NRXN1: variants seen among roughly 807,000 people sequenced by gnomAD.
NRXN1 encodes the protein neurexin-1.
A neutral mutation model predicts 150.9 loss-of-function variants in NRXN1; 39 were observed. The observed-to-expected ratio is 0.26, with a 90% CI of 0.20 to 0.34. NRXN1 has a LOEUF of 0.34. Ranked by LOEUF, NRXN1 falls within the 10% of genes least tolerant of loss-of-function variation. The pLI is 1.00. For synonymous variants in NRXN1, 924 were observed against 757.0 expected (o/e 1.22, Z -3.62); for missense variants, 1,815 against 1,949.9 (o/e 0.93, Z 1.30).
chr2:50,132,747 T>C (rs756859483), intron 18 of NRXN1, among the ~76,000 whole-genome samples: 1 of 152,134 alleles, frequency 6.6e-6, no homozygotes, highest in Non-Finnish European at 1.5e-5. Flanking sequence ...AGTAGCTTCC[T>C]GGAAGGAAAA....
intron 21 of NRXN1, among the ~76,000 whole-genome samples, chr2:49,985,598 GT>G (rs1680768604): frequency 6.6e-6 from 1 of 152,178 alleles, no homozygotes; most frequent in South Asian, 2.1e-4. Context: ...ACTGAGTTTA[GT>G]CACTTCTTTA....
intron 5 of NRXN1, among the ~76,000 whole-genome samples, chr2:50,720,104 G>A (rs1696436118): frequency 6.6e-6 from 1 of 152,172 alleles, no homozygotes; most frequent in African/African-American, 2.4e-5. Flanking sequence ...TCATGCCTTT[G>A]CTGTAGATCT....
chr2:50,673,639 T>G (rs1294491931), intron 5 of NRXN1, among the ~76,000 whole-genome samples: 1 of 152,104 alleles, frequency 6.6e-6, no homozygotes, highest in African/African-American at 2.4e-5. Flanking sequence ...CAGGAAATTA[T>G]GTAACCAGCA....
At chr2:50,591,782 G>T (rs186828777) in intron 8 of NRXN1, among the ~76,000 whole-genome samples, 1 of 152,308 alleles carries the variant, frequency 6.6e-6, no homozygotes, top group African/African-American at 2.4e-5. Context: ...AGCCGAGCAG[G>T]GAAATGCGCC....
At chr2:50,756,697 T>A (rs915193926) in intron 5 of NRXN1, among the ~76,000 whole-genome samples, 2 of 151,816 alleles carry the variant, frequency 1.3e-5, no homozygotes, top group Non-Finnish European at 2.9e-5. Context: ...GGTGGTTGAT[T>A]TACAAAGGGC....
intron 5 of NRXN1, among the ~76,000 whole-genome samples, chr2:50,641,647 T>C (rs1400250342): frequency 1.3e-5 from 2 of 152,248 alleles, no homozygotes; most frequent in East Asian, 1.9e-4. Flanking sequence ...CTTAGCAGAT[T>C]TGAGGCATCT....
At position 50,347,301 on chromosome 2, in the gene NRXN1, T is replaced by C. The variant is rs1180852279; in HGVS notation, c.3365-110331A>G. ...CCAAAGAGTTTCGGGCGAGAGTGCG[T>C]GCCGGCGGGTGGGGGGCCGAGAAAT... On this transcript the variant is annotated intron_variant, in intron 17 of 22. Coordinates refer to ENST00000401669, the MANE Select transcript of NRXN1 (RefSeq NM_001330078.2). This position sits in a 1 kb window ranked among gnomAD's most constrained non-coding sequence, Gnocchi z 4.9. The C allele has an allele frequency of 3.1e-6, 4 of 1,274,120 alleles. No homozygotes were observed. The highest frequency in any genetic ancestry group is 4.9e-5 in the Admixed American group (2 of 41,044). 78.9% of individuals were successfully genotyped at this position (1,274,120 alleles called of 1,614,324 possible).
At chr2:50,600,957 A>C (rs1676170297) in intron 8 of NRXN1, among the ~76,000 whole-genome samples, 2 of 152,072 alleles carry the variant, frequency 1.3e-5, no homozygotes, top group South Asian at 4.2e-4. Flanking sequence ...AAAAAAAATG[A>C]AAAAAGAAGT....
At chr2:50,668,200 T>A (rs937528418) in intron 5 of NRXN1, among the ~76,000 whole-genome samples, 1 of 151,968 alleles carries the variant, frequency 6.6e-6, no homozygotes, top group African/African-American at 2.4e-5. Flanking sequence ...TCAGTGGCAT[T>A]TTCACAGATC....
intron 5 of NRXN1, among the ~76,000 whole-genome samples, chr2:50,680,774 G>C (rs928625609): frequency 6.6e-6 from 1 of 150,546 alleles, no homozygotes; most frequent in Non-Finnish European, 1.5e-5. Context: ...AAAAAAAAAA[G>C]CTAAGCATGC....
chr2:50,430,245 G>A (rs931299146), intron 17 of NRXN1, among the ~76,000 whole-genome samples: 3 of 151,986 alleles, frequency 2.0e-5, no homozygotes, highest in Non-Finnish European at 4.4e-5. Context: ...TTTTAAAATG[G>A]TCTTATGTTC....
At chr2:50,277,886 T>C (rs1212572892) in intron 17 of NRXN1, among the ~76,000 whole-genome samples, 2 of 151,956 alleles carry the variant, frequency 1.3e-5, no homozygotes, top group Non-Finnish European at 2.9e-5. Flanking sequence ...ATCAGAAATA[T>C]GTATTTATCA....
At chr2:50,498,817 C>A (rs909783340) in intron 13 of NRXN1, among the ~76,000 whole-genome samples, 3 of 152,216 alleles carry the variant, frequency 2.0e-5, no homozygotes, top group Non-Finnish European at 4.4e-5. Flanking sequence ...CTCTCTTCTG[C>A]AACTAAAAAT....
intron 17 of NRXN1, among the ~76,000 whole-genome samples, chr2:50,334,307 G>C (rs1401385482): frequency 6.6e-6 from 1 of 151,044 alleles, no homozygotes; most frequent in African/African-American, 2.5e-5. Context: ...TCAATAGTAA[G>C]CTGCATTTGT....
rs555025628 is a variant in NRXN1, at chr2:50,811,577, T to C, written c.832+110292A>G. Reference sequence around the variant, plus strand: ...AGTTGGCACTCCAAAGCACAGACAATTGCAACCAATGTTCTAGAGTTACTT... The same window carrying C: ...AGTTGGCACTCCAAAGCACAGACAACTGCAACCAATGTTCTAGAGTTACTT... On this transcript the variant is annotated intron_variant, in intron 5 of 22. Coordinates refer to ENST00000401669, the MANE Select transcript of NRXN1 (RefSeq NM_001330078.2). 2.0e-5 allele frequency among the ~76,000 whole-genome samples: 3 copies of C among 152,278 alleles called. No individual in the cohort carries two copies. The South Asian group carries it at 6.2e-4, about 32-fold the overall frequency.
At chr2:50,985,540 A>G (rs1052499191) in intron 2 of NRXN1, 2 of 151,838 alleles carry the variant, frequency 1.3e-5, no homozygotes, top group Non-Finnish European at 2.9e-5. Flanking sequence ...GATCTACAAG[A>G]ACTCAGAAAT....
chr2:50,652,913 C>T (rs1009712818), intron 5 of NRXN1, among the ~76,000 whole-genome samples: 1 of 152,036 alleles, frequency 6.6e-6, no homozygotes, highest in Non-Finnish European at 1.5e-5. Flanking sequence ...GTGGTTTTAA[C>T]CATTTCCCTA....
chr2:50,466,705 A>C (rs1184638382), intron 16 of NRXN1, among the ~76,000 whole-genome samples: 8 of 151,736 alleles, frequency 5.3e-5, no homozygotes, highest in Admixed American at 2.0e-4. Context: ...TTAATTGTAC[A>C]TATGTATATA....
At chr2:50,218,302 G>A (rs909045795) in intron 18 of NRXN1, among the ~76,000 whole-genome samples, 34 of 151,824 alleles carry the variant, frequency 2.2e-4, no homozygotes, top group Non-Finnish European at 4.4e-4. Flanking sequence ...ATGAATGAAC[G>A]AAAAACTTTC....
Sources: allele counts gnomAD v4.1 joint callset (sites outside exome capture counted in the v4.1 genomes callset), GRCh38; gene constraint gnomAD v4.1.1; non-coding constraint Gnocchi (gnomAD v3.1); transcripts MANE v1.5; gene names NCBI Gene and HGNC (gene_info 2026-07-23, HGNC 2026-07-21).